BPTF: variants seen among roughly 807,000 people sequenced by gnomAD.
The protein encoded by BPTF is bromodomain PHD finger transcription factor.
In BPTF, 18 loss-of-function variants were observed where a neutral mutation model predicts 292.5. The ratio of observed to expected loss-of-function variants is 0.06; its 90% CI spans 0.04 to 0.09. The LOEUF (loss-of-function observed/expected upper bound fraction) is 0.09, where lower values mean the gene tolerates loss of function less well. Ranked by LOEUF, BPTF falls within the 10% of genes least tolerant of loss-of-function variation. The pLI, the probability that BPTF is intolerant of heterozygous loss-of-function variation, is 1.00. For missense variants in BPTF, 2,726 were observed against 3,498.7 expected, an observed-to-expected ratio of 0.78 and a Z score of 5.57; for synonymous variants, 1,225 against 1,251.9, an observed-to-expected ratio of 0.98 and a Z score of 0.45.
At chr17:67,982,219 G>C (rs1304703607) in intron 27 of BPTF, 33 bp from the exon 28 acceptor site, 2 of 1,595,620 alleles carry the variant, frequency 1.3e-6, no homozygotes, top group African/African-American at 2.7e-5. Context: ...AATGAAGGGT[G>C]CTTAATTGTT....
At position 67,886,075 on chromosome 17, in the gene BPTF, C is replaced by G. The variant is rs960813833; in HGVS notation, c.1865-5769C>G. 44 of 1,296,174 alleles carry G rather than the reference C, an allele frequency of 3.4e-5. No homozygotes were observed. The East Asian group carries it at 1.0e-3, about 30-fold the overall frequency. The allele number at this position is 1,296,174 out of a possible 1,614,324, so 80.3% of individuals were successfully genotyped here. On this transcript the variant is annotated intron_variant, in intron 4 of 27. Coordinates refer to ENST00000306378, the MANE Select transcript of BPTF (RefSeq NM_182641.4). ...AAAACAATTGTCTTTTCTGACAATT[C>G]GTCATTTTTCATGTGATTTCCAATT...
Position 67,946,059 on chromosome 17 carries a change from C to G in BPTF, c.7351C>G (p.Gln2451Glu), listed in dbSNP as rs148864739. 6.2e-6 allele frequency: 10 copies of G among 1,614,094 alleles called. No homozygotes were observed. Among genetic ancestry groups the G allele is most frequent in the Non-Finnish European group, 8.5e-6 (10 of 1,180,056 alleles). ...QVQVLSQIQS[Q>E]VVAQIQAQQS... ...CCAGGTTCTCTCTCAGATCCAGTCA[C>G]AGGTTGTGGCTCAGATACAGGCTCA... The change falls in exon 21 of 28, where the codon CAG becomes GAG. Residue 2451 changes from glutamine (Q) to glutamate (E), a missense_variant. By Grantham distance (29) the Gln-to-Glu change is conservative (BLOSUM62 2). This residue lies in a region of BPTF where 570 missense variants were observed against 633.5 expected (regional missense o/e 0.90). Transcript: ENST00000306378.
intron 1 of BPTF, among the ~76,000 whole-genome samples, chr17:67,843,206 AGATGTATG>A (rs1443901904): frequency 7.9e-6 from 1 of 127,010 alleles, no homozygotes; most frequent in Non-Finnish European, 1.8e-5. Context: ...ACATACATGT[AGATGTATG>A]TAGATATATA....
In BPTF at chr17:67,912,900, G is replaced by A. The variant is rs201296713; in HGVS notation, c.5016G>A (p.Leu1672=). Residue 1672 remains leucine (L), a synonymous_variant, in exon 11 of 28, where the codon CTG becomes CTA. Transcript: ENST00000306378. ...CCCTGACCACCACGGGAGGCACACT[G>A]GTTACATCTATGACTGTGAGCAAAG... ...TDSLTTTGGT[L]VTSMTVSKEY... is the part of the protein sequence containing the mutation. 8.7e-6 allele frequency: 14 copies of A among 1,614,182 alleles called. No individual in the cohort carries two copies. In the East Asian group the frequency reaches 2.2e-4, roughly 26 times the overall value.
rs1168961811 is a variant in BPTF, at chr17:67,854,296, A to G, written c.970A>G (p.Met324Val). 6.2e-7 allele frequency: 1 copy of G among 1,614,184 alleles called. No individual in the cohort carries two copies. Among genetic ancestry groups the G allele is most frequent in the Admixed American group, 1.7e-5 (1 of 60,010 alleles). The change falls in exon 2 of 28, where the codon ATG becomes GTG. Residue 324 changes from methionine (M) to valine (V), a missense_variant. By Grantham distance (21) the Met-to-Val change is conservative. This residue lies in a region of BPTF where 102 missense variants were observed against 212.6 expected (regional missense o/e 0.48). Coordinates refer to ENST00000306378, the MANE Select transcript of BPTF (RefSeq NM_182641.4). This position sits in a 1 kb window ranked among gnomAD's most constrained non-coding sequence, Gnocchi z 5.6. ...TTCCACACTGTATTTCATAGATGGG[A>G]TGACGTGGCCAGAGGTGCTGCGGGT... ...VNSTLYFIDG[M>V]TWPEVLRVYC...
chr17:67,879,244 C>T (rs2060240024), intron 4 of BPTF, among the ~76,000 whole-genome samples: 1 of 150,424 alleles, frequency 6.6e-6, no homozygotes, highest in African/African-American at 2.4e-5. Flanking sequence ...CTGTTTCAAG[C>T]GATTCTCCTG....
At chr17:67,927,573 T>C (rs918704945) in intron 15 of BPTF, among the ~76,000 whole-genome samples, 1 of 152,184 alleles carries the variant, frequency 6.6e-6, no homozygotes, top group Non-Finnish European at 1.5e-5. Context: ...GTTTTTATAG[T>C]TGGATAAATT....
intron 5 of BPTF, 130 bp from the exon 6 acceptor site, chr17:67,893,240 A>G (rs1197768449): frequency 1.5e-6 from 1 of 665,804 alleles, no homozygotes; most frequent in Non-Finnish European, 2.6e-6. Context: ...TAGACTTCAA[A>G]AGTTCTATCA....
chr17:67,945,835 C>G lies in BPTF; in HGVS notation c.7127C>G (p.Pro2376Arg), dbSNP rs782811761. 8.1e-6 allele frequency: 13 copies of G among 1,614,214 alleles called. No homozygotes were observed. The highest frequency in any genetic ancestry group is 1.1e-5 in the Non-Finnish European group (13 of 1,180,042). The change falls in exon 21 of 28, where the codon CCA (proline) becomes CGA (arginine). Residue 2376 changes from proline (P) to arginine (R), a missense_variant. By Grantham distance (103) the Pro-to-Arg change is moderately radical. This residue lies in a region of BPTF where 570 missense variants were observed against 633.5 expected (regional missense o/e 0.90). Coordinates refer to ENST00000306378, the MANE Select transcript of BPTF (RefSeq NM_182641.4). ...QVQTTTSQPI[P>R]IQPHTSLQIP... is the part of the protein sequence containing the mutation. Reference sequence around the variant, plus strand: ...CAGACTACAACCTCACAACCGATTCCAATTCAACCACATACATCTCTTCAG... The same window carrying G: ...CAGACTACAACCTCACAACCGATTCGAATTCAACCACATACATCTCTTCAG...
At chr17:67,936,578 G>A (rs2064935539) in intron 18 of BPTF, 1 of 152,116 alleles carries the variant, frequency 6.6e-6, no homozygotes, top group Non-Finnish European at 1.5e-5. Flanking sequence ...CTTCTCCAGG[G>A]TTTTGCCACT....
At chr17:67,900,074 G>C (rs8076388) in intron 7 of BPTF, among the ~76,000 whole-genome samples, 1 of 151,918 alleles carries the variant, frequency 6.6e-6, no homozygotes, top group South Asian at 2.1e-4. Context: ...AAAACCTCCA[G>C]CACCTAGGAA....
chr17:67,857,782 CTTT>C (rs35999365), intron 2 of BPTF, among the ~76,000 whole-genome samples: 8,407 of 103,364 alleles, frequency 0.081, 915 homozygotes, highest in African/African-American at 0.3. Flanking sequence ...ATATTTCTTT[CTTT>C]TTTTTTTTTT....
rs543782427 is a variant in BPTF at position 67,857,287 on chromosome 17, A to T, written c.1436+2525A>T. Among the ~76,000 whole-genome samples, 3 of 150,310 alleles carry T rather than the reference A, an allele frequency of 2.0e-5. No individual in the cohort carries two copies. The South Asian group carries it at 6.3e-4, about 32-fold the overall frequency. ...CACCATTCTCCTGCCTCAACCTCCG[A>T]GTAGCTGGGACTACAGGTGCCCGCC... is the stretch of plus-strand genomic sequence containing the variant. On this transcript the variant is annotated intron_variant, in intron 2 of 27. Transcript: ENST00000306378.
At chr17:67,917,608 T>C (rs1477047962) in intron 11 of BPTF, among the ~76,000 whole-genome samples, 2 of 151,266 alleles carry the variant, frequency 1.3e-5, no homozygotes, top group Non-Finnish European at 2.9e-5. Flanking sequence ...TAAGATGTTT[T>C]TGGTTTAATT....
chr17:67,869,827 C>CA (rs772941425), intron 3 of BPTF, among the ~76,000 whole-genome samples: 4,903 of 56,414 alleles, frequency 0.087, 143 homozygotes, highest in South Asian at 0.14. Flanking sequence ...ACTAAAAATA[C>CA]AAAAAAAAAA....
At chr17:67,934,930 C>A (rs1364272165) in intron 18 of BPTF, among the ~76,000 whole-genome samples, 1 of 141,938 alleles carries the variant, frequency 7.0e-6, no homozygotes, top group Non-Finnish European at 1.5e-5. Context: ...GTTAAAGATA[C>A]ATCAAATATG....
chr17:67,873,330 C>T (rs557275249), intron 3 of BPTF, among the ~76,000 whole-genome samples: 13 of 151,786 alleles, frequency 8.6e-5, no homozygotes, highest in South Asian at 2.1e-4. Context: ...TGGTGGCAGG[C>T]GCCTGTAATC....
In BPTF at chr17:67,982,410, TTTATTGGTCATAAC is replaced by T. The variant is rs1555697137; in HGVS notation, c.*123_*136del. 20 of 942,954 alleles carry T rather than the reference TTTATTGGTCATAAC, an allele frequency of 2.1e-5. No individual in the cohort carries two copies. The highest frequency in any genetic ancestry group is 1.3e-5 in the Non-Finnish European group (8 of 622,316). The allele number at this position is 942,954 out of a possible 1,614,324, so 58.4% of individuals were successfully genotyped here. A position where few individuals can be genotyped will look rare whatever the true frequency, so the allele number is the denominator to read the frequency against. The stretch of plus-strand genomic sequence containing the variant: ...GACAAGACTTGACCTAAACTTCGTT[TTTATTGGTCATAAC>T]AGTCCAATTATATTCTTGGCCAATT... On this transcript the variant is annotated 3_prime_UTR_variant, in exon 28 of 28. Coordinates refer to ENST00000306378, the MANE Select transcript of BPTF (RefSeq NM_182641.4).
At chr17:67,900,984 A>C (rs1181696817) in intron 7 of BPTF, among the ~76,000 whole-genome samples, 2 of 152,060 alleles carry the variant, frequency 1.3e-5, no homozygotes, top group African/African-American at 4.8e-5. Context: ...GCGCCACTGT[A>C]CTGCATCCTG....
Sources: gnomAD v4.1 joint callset for allele counts (sites outside exome capture counted in the v4.1 genomes callset) on GRCh38, gnomAD v4.1.1 for gene constraint, gnomAD v4.1.1 regional missense constraint, Gnocchi (gnomAD v3.1) non-coding constraint, MANE v1.5 for transcripts, NCBI Gene and HGNC (gene_info 2026-07-23, HGNC 2026-07-21) for gene names.